The following MPPE1 variants were observed in gnomAD, a reference collection of about 807,000 sequenced individuals.
MPPE1 encodes the protein metallophosphoesterase 1, also known as metallo phosphoesterase.
Under a neutral mutation model 43.8 loss-of-function variants are expected in MPPE1, and 28 were observed. The ratio of observed to expected loss-of-function variants is 0.64; its 90% CI spans 0.47 to 0.88. MPPE1 has a LOEUF of 0.88. MPPE1 is among the 40% of genes least tolerant of loss of function. The pLI is 0.00. For missense variants in MPPE1, 428 were observed against 492.2 expected, an observed-to-expected ratio of 0.87 and a Z score of 1.23; for synonymous variants, 159 against 188.5, an observed-to-expected ratio of 0.84 and a Z score of 1.28.
intron 4 of MPPE1, among the ~76,000 whole-genome samples, chr18:11,889,947 C>CTTT (rs35489693): frequency 6.9e-6 from 1 of 145,248 alleles, no homozygotes; most frequent in Non-Finnish European, 1.5e-5. Flanking sequence ...TGATGTAGAA[C>CTTT]TTTTTTTTTT....
intron 2 of MPPE1, chr18:11,902,686 C>G (rs672201): frequency 0.32 from 48,810 of 152,022 alleles, 10,066 homozygotes; most frequent in African/African-American, 0.58. Flanking sequence ...CTTGATAATT[C>G]CTCTTCTACA....
At chr18:11,896,897 C>T in intron 3 of MPPE1, 87 bp downstream of exon 3, 2 of 1,212,594 alleles carry the variant, frequency 1.6e-6, no homozygotes, top group Middle Eastern at 4.3e-4. Context: ...CTAAGAGTAA[C>T]CTAAAGCCAT....
At chr18:11,887,091 C>G in intron 6 of MPPE1, 66 bp from the exon 7 acceptor site, 2 of 1,193,744 alleles carry the variant, frequency 1.7e-6, no homozygotes, top group Non-Finnish European at 2.4e-6. Flanking sequence ...CCTACTGTTC[C>G]CATGAAAAGA....
At chr18:11,895,871 C>G (rs1217196670) in intron 3 of MPPE1, among the ~76,000 whole-genome samples, 2 of 151,184 alleles carry the variant, frequency 1.3e-5, no homozygotes, top group African/African-American at 2.4e-5. Context: ...GCTTCTCAGT[C>G]TCTCTTGATT....
intron 3 of MPPE1, 136 bp downstream of exon 3, chr18:11,896,848 T>C: frequency 1.2e-6 from 1 of 826,016 alleles, no homozygotes; most frequent in Non-Finnish European, 1.9e-6. Flanking sequence ...CAAGGAAAAG[T>C]CAAATGTCCC....
intron 6 of MPPE1, among the ~76,000 whole-genome samples, chr18:11,888,062 T>C (rs1366654648): frequency 6.6e-6 from 1 of 152,144 alleles, no homozygotes; most frequent in South Asian, 2.1e-4. Flanking sequence ...ATAATCAGTA[T>C]AGAGTATAGA....
chr18:11,890,088 GC>G (rs781107037), intron 4 of MPPE1, among the ~76,000 whole-genome samples: 3 of 151,024 alleles, frequency 2.0e-5, no homozygotes, highest in Non-Finnish European at 3.0e-5. Flanking sequence ...AACTACAGGC[GC>G]CCGCCACCAC....
At chr18:11,892,595 C>G (rs562567641) in intron 4 of MPPE1, among the ~76,000 whole-genome samples, 1 of 151,694 alleles carries the variant, frequency 6.6e-6, no homozygotes, top group East Asian at 1.9e-4. Flanking sequence ...ATCGCTTGAA[C>G]CTGGGAGGCA....
chr18:11,886,460 C>T lies in MPPE1; in HGVS notation c.867+39G>A, dbSNP rs1354788813. 7 of 1,613,978 alleles carry T rather than the reference C, an allele frequency of 4.3e-6. No individual in the cohort carries two copies. The highest frequency in any genetic ancestry group is 5.9e-6 in the Non-Finnish European group (7 of 1,179,986). Reference sequence around the variant, plus strand: ...TTGACATGCAAGGTGATGAGAGTCACACTGTGACATGAATTAGCATCACGA... The same window carrying T: ...TTGACATGCAAGGTGATGAGAGTCATACTGTGACATGAATTAGCATCACGA... On this transcript the variant is annotated intron_variant, in intron 9 of 10. Transcript: ENST00000588072. The surrounding 1 kb of genome is among the most constrained non-coding windows in gnomAD (Gnocchi z 4.1).
chr18:11,894,724 G>C (rs2038403625), intron 3 of MPPE1, among the ~76,000 whole-genome samples: 1 of 152,072 alleles, frequency 6.6e-6, no homozygotes. Flanking sequence ...CCAAGTAGCT[G>C]GGATTACAGG....
intron 2 of MPPE1, among the ~76,000 whole-genome samples, chr18:11,901,404 T>C (rs192727356): frequency 1.5e-4 from 23 of 151,942 alleles, no homozygotes; most frequent in African/African-American, 5.3e-4. Flanking sequence ...TTAATTTTCA[T>C]ATTATTAGTA....
intron 2 of MPPE1, among the ~76,000 whole-genome samples, chr18:11,904,437 C>T (rs1162043218): frequency 6.6e-6 from 1 of 152,070 alleles, no homozygotes; most frequent in Non-Finnish European, 1.5e-5. Flanking sequence ...ACTTCAGCCT[C>T]TGGAGCAGCT....
chr18:11,885,193 AC>A, intron 10 of MPPE1: 1 of 503,590 alleles, frequency 2.0e-6, no homozygotes, highest in Non-Finnish European at 3.0e-6. Context: ...AACCTGTCGT[AC>A]CAGCATCATG....
chr18:11,888,340 A>T (rs1334368602), intron 6 of MPPE1, among the ~76,000 whole-genome samples: 1 of 152,098 alleles, frequency 6.6e-6, no homozygotes, highest in Non-Finnish European at 1.5e-5. Context: ...TCAAATAAAG[A>T]CTCTTTTACA....
Position 11,897,206 on chromosome 18 carries a change from C to G in MPPE1, c.59G>C (p.Ser20Thr), listed in dbSNP as rs1266604358. The change falls in exon 3 of 11, where the codon AGT becomes ACT. Residue 20 changes from serine to threonine, a missense_variant. Coordinates refer to ENST00000588072, the MANE Select transcript of MPPE1 (RefSeq NM_023075.6). Reference protein sequence around the residue: ...RQNFHPLKRKSSLLLKLIAVV... With the variant: ...RQNFHPLKRKTSLLLKLIAVV... ...AGCTATGAGTTTCAACAGCAATGAA[C>G]TCTTCCTCTTTAATGGATGAAAATT... The G allele has an allele frequency of 1.0e-5, 12 of 1,149,928 alleles. No homozygotes were observed. The highest frequency in any genetic ancestry group is 1.0e-5 in the Non-Finnish European group (8 of 791,924). 71.2% of individuals were successfully genotyped at this position (1,149,928 alleles called of 1,614,324 possible).
intron 3 of MPPE1, among the ~76,000 whole-genome samples, chr18:11,894,660 G>A (rs929904433): frequency 6.6e-5 from 10 of 151,380 alleles, no homozygotes; most frequent in East Asian, 2.0e-4. Flanking sequence ...GTGTGATCTC[G>A]GCTCAATGCG....
chr18:11,886,144 A>G lies in MPPE1; in HGVS notation c.868-328T>C, dbSNP rs1161881093. 13 of 231,964 alleles carry G rather than the reference A, an allele frequency of 5.6e-5. No homozygotes were observed. Among genetic ancestry groups the G allele is most frequent in the Non-Finnish European group, 5.1e-5 (6 of 118,470 alleles). 14.4% of individuals were successfully genotyped at this position (231,964 alleles called of 1,614,324 possible). On this transcript the variant is annotated intron_variant, in intron 9 of 10. Coordinates refer to ENST00000588072, the MANE Select transcript of MPPE1 (RefSeq NM_023075.6). This position sits in a 1 kb window ranked among gnomAD's most constrained non-coding sequence, Gnocchi z 4.1. The stretch of plus-strand genomic sequence containing the variant: ...TGTAATATGTATTATATAAATCTAT[A>G]TAAGAAAATGCATTTTAATTTTAAT...
chr18:11,907,291 C>G (rs2039810576), intron 1 of MPPE1, among the ~76,000 whole-genome samples: 1 of 152,138 alleles, frequency 6.6e-6, no homozygotes, highest in Non-Finnish European at 1.5e-5. Context: ...ACCTATAACC[C>G]GGAAACCCCC....
chr18:11,885,865 A>G (rs369606680), intron 9 of MPPE1, 49 bp from the exon 10 acceptor site: 4 of 1,547,570 alleles, frequency 2.6e-6, no homozygotes, highest in Non-Finnish European at 3.5e-6. Context: ...CTCATCCTCA[A>G]CCAGGCTCTC....
Sources: allele counts gnomAD v4.1 joint callset (sites outside exome capture counted in the v4.1 genomes callset), GRCh38; gene constraint gnomAD v4.1.1; non-coding constraint Gnocchi (gnomAD v3.1); transcripts MANE v1.5; gene names NCBI Gene and HGNC (gene_info 2026-07-23, HGNC 2026-07-21).